The following LDAH variants were observed in gnomAD, a reference collection of about 807,000 sequenced individuals.
The protein encoded by LDAH is lipid droplet associated hydrolase.
Under a neutral mutation model 29.6 loss-of-function variants are expected in LDAH, and 26 were observed. The observed-to-expected ratio is 0.88, with a 90% CI of 0.64 to 1.22. The LOEUF (loss-of-function observed/expected upper bound fraction) is 1.22. Ranked by LOEUF, LDAH falls within the 50% of genes most tolerant of loss-of-function variation. LDAH has a pLI of 0.00. For missense variants in LDAH, 344 were observed against 387.3 expected, an observed-to-expected ratio of 0.89 and a Z score of 0.94; for synonymous variants, 117 against 133.0, an observed-to-expected ratio of 0.88 and a Z score of 0.83.
At chr2:20,715,004 A>C (rs1665053406) in intron 5 of LDAH, among the ~76,000 whole-genome samples, 1 of 152,218 alleles carries the variant, frequency 6.6e-6, no homozygotes, top group South Asian at 2.1e-4. Context: ...TCAATAGAAA[A>C]AGAGGGAATC....
At chr2:20,795,628 A>G (rs1173303190) in intron 2 of LDAH, among the ~76,000 whole-genome samples, 3 of 152,184 alleles carry the variant, frequency 2.0e-5, no homozygotes, top group African/African-American at 7.2e-5. Context: ...AAGTTCTTCA[A>G]TCTGTGGATT....
chr2:20,721,419 C>T (rs1047201734), intron 5 of LDAH, among the ~76,000 whole-genome samples: 3 of 152,046 alleles, frequency 2.0e-5, no homozygotes, highest in Non-Finnish European at 4.4e-5. Context: ...AAAACCAAGA[C>T]TACAAATTAA....
intron 1 of LDAH, among the ~76,000 whole-genome samples, chr2:20,819,602 T>C (rs1427308460): frequency 3.9e-5 from 6 of 152,192 alleles, no homozygotes; most frequent in Non-Finnish European, 7.3e-5. Context: ...TAGATATTGA[T>C]GGGACGTATC....
chr2:20,808,266 G>C (rs978741531), intron 1 of LDAH, among the ~76,000 whole-genome samples: 4 of 152,208 alleles, frequency 2.6e-5, no homozygotes, highest in African/African-American at 9.6e-5. Context: ...TCTTAGATTT[G>C]TAAAATTCCA....
chr2:20,683,858 T>TAA (rs34107436), downstream of LDAH, among the ~76,000 whole-genome samples: 14 of 150,562 alleles, frequency 9.3e-5, no homozygotes, highest in Admixed American at 2.6e-4. Flanking sequence ...TTATCTCCAT[T>TAA]AAAAAAAAAA....
At chr2:20,742,879 C>A (rs543180845) in intron 4 of LDAH, among the ~76,000 whole-genome samples, 3 of 150,736 alleles carry the variant, frequency 2.0e-5, no homozygotes, top group Admixed American at 1.3e-4. Flanking sequence ...CCCACTTCAG[C>A]CTTCTGAGTA....
chr2:20,810,387 C>T (rs1672385852), intron 1 of LDAH, among the ~76,000 whole-genome samples: 1 of 152,140 alleles, frequency 6.6e-6, no homozygotes, highest in Admixed American at 6.6e-5. Flanking sequence ...CCTTTTATGA[C>T]CTACCCTCAA....
At chr2:20,760,591 T>C (rs754426499) in intron 4 of LDAH, among the ~76,000 whole-genome samples, 2 of 152,158 alleles carry the variant, frequency 1.3e-5, no homozygotes, top group Non-Finnish European at 2.9e-5. Context: ...TTCTTTGTAG[T>C]GTAGCATCAA....
At chr2:20,749,401 T>C (rs1302626503) in intron 4 of LDAH, among the ~76,000 whole-genome samples, 1 of 152,226 alleles carries the variant, frequency 6.6e-6, no homozygotes, top group Non-Finnish European at 1.5e-5. Context: ...AAAGATATTG[T>C]GAAACATGTA....
At chr2:20,696,207 GGCAGGACATGT>G (rs1446542124) in intron 6 of LDAH, among the ~76,000 whole-genome samples, 1 of 152,196 alleles carries the variant, frequency 6.6e-6, no homozygotes, top group Non-Finnish European at 1.5e-5. Flanking sequence ...TGCTGCAGCA[GGCAGGACATGT>G]GCATGTCAGA....
intron 4 of LDAH, among the ~76,000 whole-genome samples, chr2:20,755,049 G>A (rs1258212247): frequency 6.6e-6 from 1 of 151,930 alleles, no homozygotes; most frequent in Non-Finnish European, 1.5e-5. Flanking sequence ...AACATCTTAA[G>A]GAGGTCTTTA....
intron 4 of LDAH, among the ~76,000 whole-genome samples, chr2:20,759,348 CCAAA>C (rs1668531507): frequency 6.6e-6 from 1 of 152,140 alleles, no homozygotes; most frequent in Non-Finnish European, 1.5e-5. Context: ...TTGCTTCTTC[CCAAA>C]CAAATACAAT....
chr2:20,700,614 C>T (rs1558389203), intron 6 of LDAH, among the ~76,000 whole-genome samples: 1 of 152,020 alleles, frequency 6.6e-6, no homozygotes, highest in African/African-American at 2.4e-5. Flanking sequence ...TATCATAGTT[C>T]AGCACCAATT....
At chr2:20,817,642 C>G (rs1243911964) in intron 1 of LDAH, among the ~76,000 whole-genome samples, 1 of 152,068 alleles carries the variant, frequency 6.6e-6, no homozygotes. Context: ...TACCATATGA[C>G]TTAGCAATTG....
In LDAH at chr2:20,685,548, A is replaced by C. The variant is rs1662498636; in HGVS notation, c.*1355T>G. The C allele has an allele frequency of 1.3e-6, 2 of 1,550,372 alleles. No individual in the cohort carries two copies. On this transcript the variant is annotated 3_prime_UTR_variant, in exon 7 of 7. Transcript: ENST00000237822. ...CACAGTAACTCATTCAGCACTTACC[A>C]ATAAGTTGGCAGCAAATCAGAGCCA...
At chr2:20,742,444 T>C (rs1463510846) in intron 4 of LDAH, among the ~76,000 whole-genome samples, 3 of 152,262 alleles carry the variant, frequency 2.0e-5, no homozygotes, top group African/African-American at 7.2e-5. Context: ...TGCTTGTAGT[T>C]CTATCAGTTT....
chr2:20,719,678 AC>A (rs1665505760), intron 5 of LDAH, among the ~76,000 whole-genome samples: 1 of 152,094 alleles, frequency 6.6e-6, no homozygotes, highest in South Asian at 2.1e-4. Flanking sequence ...ATAACAGAAA[AC>A]CACAGGCCAA....
chr2:20,751,261 A>G (rs1667953142), intron 4 of LDAH, among the ~76,000 whole-genome samples: 1 of 152,154 alleles, frequency 6.6e-6, no homozygotes, highest in South Asian at 2.1e-4. Context: ...AACATTGTAA[A>G]ACCTTTATGT....
At chr2:20,755,390 G>A (rs1668274105) in intron 4 of LDAH, among the ~76,000 whole-genome samples, 1 of 152,110 alleles carries the variant, frequency 6.6e-6, no homozygotes, top group Non-Finnish European at 1.5e-5. Flanking sequence ...TTTATATCAA[G>A]GCAGTATCAC....
Sources: allele counts gnomAD v4.1 joint callset (sites outside exome capture counted in the v4.1 genomes callset), GRCh38; gene constraint gnomAD v4.1.1; transcripts MANE v1.5; gene names NCBI Gene and HGNC (gene_info 2026-07-23, HGNC 2026-07-21).